Variants in DENND5A observed in about 807,000 individuals in gnomAD.
The protein encoded by DENND5A is DENN domain-containing protein 5A.
Under a neutral mutation model 140.3 loss-of-function variants are expected in DENND5A, and 64 were observed. That is an observed-to-expected ratio of 0.46 (90% CI 0.37 to 0.56). The LOEUF is 0.56. DENND5A is among the 20% of genes least tolerant of loss of function. The pLI, the probability that DENND5A is intolerant of heterozygous loss-of-function variation, is 0.00. For synonymous variants in DENND5A, 605 were observed against 607.7 expected (o/e 1.00, Z 0.07); for missense variants, 1,292 against 1,593.8 (o/e 0.81, Z 3.22).
chr11:9,239,739 G>A (rs1851156833), intron 1 of DENND5A, among the ~76,000 whole-genome samples: 1 of 152,184 alleles, frequency 6.6e-6, no homozygotes, highest in East Asian at 1.9e-4. Context: ...TGGGATTACA[G>A]GCATGTGCTA....
chr11:9,185,293 G>C (rs1039899925), intron 5 of DENND5A, among the ~76,000 whole-genome samples: 4 of 152,078 alleles, frequency 2.6e-5, no homozygotes, highest in African/African-American at 7.2e-5. Flanking sequence ...AGTCAGAAAG[G>C]TATTTATTAA....
chr11:9,190,138 G>T (rs570269688), intron 5 of DENND5A, among the ~76,000 whole-genome samples: 1 of 152,316 alleles, frequency 6.6e-6, no homozygotes, highest in African/African-American at 2.4e-5. Flanking sequence ...TATCTAGGAA[G>T]TAACTAACTT....
chr11:9,144,056 A>T, intron 19 of DENND5A, 41 bp downstream of exon 19: 1 of 1,592,746 alleles, frequency 6.3e-7, no homozygotes, highest in Non-Finnish European at 8.5e-7. Context: ...CCCATTCCCT[A>T]GACTGTATGG....
intron 19 of DENND5A, among the ~76,000 whole-genome samples, chr11:9,143,855 C>T (rs1047649816): frequency 2.0e-5 from 3 of 152,212 alleles, no homozygotes; most frequent in Admixed American, 6.5e-5. Flanking sequence ...TGAATATATA[C>T]AGCGCCCAGG....
intron 1 of DENND5A, among the ~76,000 whole-genome samples, chr11:9,247,648 C>T (rs998525098): frequency 1.3e-5 from 2 of 151,952 alleles, no homozygotes; most frequent in African/African-American, 4.8e-5. Context: ...AGTCTCAACA[C>T]GTTCTTGTGC....
intron 11 of DENND5A, among the ~76,000 whole-genome samples, chr11:9,161,817 T>A (rs1847993374): frequency 6.6e-6 from 1 of 152,090 alleles, no homozygotes; most frequent in Non-Finnish European, 1.5e-5. Flanking sequence ...GTAATCAATA[T>A]ACTAAATTTA....
intron 22 of DENND5A, chr11:9,140,066 G>A (rs767942977): frequency 3.4e-4 from 389 of 1,141,306 alleles, no homozygotes; most frequent in Non-Finnish European, 4.5e-4. Flanking sequence ...GCCCTGTCAT[G>A]AGCCTCCAAG....
chr11:9,170,591 G>A (rs529572312), intron 9 of DENND5A, 36 bp downstream of exon 9: 18 of 1,612,550 alleles, frequency 1.1e-5, no homozygotes, highest in Non-Finnish European at 1.4e-5. Context: ...ATTACAGCTA[G>A]GGAGTTGGAT....
chr11:9,158,348 C>A (rs1306136858), intron 12 of DENND5A, among the ~76,000 whole-genome samples: 1 of 151,182 alleles, frequency 6.6e-6, no homozygotes, highest in Non-Finnish European at 1.5e-5. Flanking sequence ...AGTTTGAGAC[C>A]AGCCAGGACA....
Position 9,139,591 on chromosome 11 carries a change from C to G in DENND5A, c.*80G>C. 2.2e-6 allele frequency: 3 copies of G among 1,368,754 alleles called. No individual in the cohort carries two copies. Among genetic ancestry groups the G allele is most frequent in the Non-Finnish European group, 3.0e-6 (3 of 996,880 alleles). 84.8% of individuals were successfully genotyped at this position (1,368,754 alleles called of 1,614,324 possible). A position where few individuals can be genotyped will look rare whatever the true frequency, so the allele number is the denominator to read the frequency against. On this transcript the variant is annotated 3_prime_UTR_variant, in exon 23 of 23. Transcript: ENST00000328194. The stretch of plus-strand genomic sequence containing the variant: ...ATTTTGTCTCCTACTCCTGCACAAT[C>G]GCTTAAGTCCCTTTGGGAAAAAAGG...
intron 20 of DENND5A, chr11:9,143,057 T>C: frequency 4.8e-6 from 3 of 628,880 alleles, no homozygotes; most frequent in Middle Eastern, 4.3e-4. Flanking sequence ...AGATGATGGA[T>C]CTGGGTCACA....
intron 5 of DENND5A, among the ~76,000 whole-genome samples, chr11:9,191,526 C>T (rs1428547134): frequency 1.3e-5 from 2 of 152,242 alleles, no homozygotes; most frequent in South Asian, 2.1e-4. Context: ...AGGCGTGAGC[C>T]ACCGCACCCG....
intron 12 of DENND5A, among the ~76,000 whole-genome samples, chr11:9,153,795 G>T (rs976716016): frequency 6.6e-6 from 1 of 152,202 alleles, no homozygotes; most frequent in Non-Finnish European, 1.5e-5. Flanking sequence ...GTTTGGAAAG[G>T]TAAGAACTGC....
rs551178766 is a variant in DENND5A, at chr11:9,264,442, T to C, written c.109+519A>G. ...CCCAAGTTCACTTTATTACTTCATA[T>C]CCCATCCAGACGCGCAGAGCTGCAA... On this transcript the variant is annotated intron_variant, in intron 1 of 22. Transcript: ENST00000328194. Among the ~76,000 whole-genome samples, 13 of 152,130 alleles carry C rather than the reference T, an allele frequency of 8.5e-5. No homozygotes were observed. The South Asian group carries it at 1.0e-3, about 12-fold the overall frequency.
chr11:9,183,183 T>C (rs1031672727), intron 5 of DENND5A, among the ~76,000 whole-genome samples: 7 of 152,298 alleles, frequency 4.6e-5, no homozygotes, highest in African/African-American at 1.7e-4. Flanking sequence ...ATGAATCTGT[T>C]CTAGCCAAGA....
intron 1 of DENND5A, among the ~76,000 whole-genome samples, chr11:9,229,240 A>T (rs1242755332): frequency 6.6e-6 from 1 of 152,232 alleles, no homozygotes; most frequent in Non-Finnish European, 1.5e-5. Context: ...GGCATGAGCC[A>T]CTGCGCCTGG....
intron 6 of DENND5A, 41 bp from the exon 7 acceptor site, chr11:9,179,114 T>C (rs1386457814): frequency 1.3e-6 from 2 of 1,573,026 alleles, no homozygotes; most frequent in Non-Finnish European, 1.7e-6. Context: ...CATACACTTT[T>C]TCCTTTTAAC....
intron 1 of DENND5A, among the ~76,000 whole-genome samples, chr11:9,233,213 G>A (rs960751511): frequency 3.3e-5 from 5 of 151,880 alleles, no homozygotes; most frequent in African/African-American, 1.2e-4. Context: ...AGCCTGGCCA[G>A]CATCGTGAAA....
intron 16 of DENND5A, 133 bp from the exon 17 acceptor site, chr11:9,145,948 A>T: frequency 1.1e-6 from 1 of 947,104 alleles, no homozygotes; most frequent in Non-Finnish European, 1.6e-6. Context: ...GAGCCCTGGA[A>T]CAAGAGGGCC....
Sources: gnomAD v4.1 joint callset for allele counts (sites outside exome capture counted in the v4.1 genomes callset) on GRCh38, gnomAD v4.1.1 for gene constraint, MANE v1.5 for transcripts, NCBI Gene and HGNC (gene_info 2026-07-23, HGNC 2026-07-21) for gene names.